Variants in TIE1 observed in about 807,000 individuals in gnomAD.
TIE1 encodes tyrosine-protein kinase receptor Tie-1.
Under a neutral mutation model 130.5 loss-of-function variants are expected in TIE1, and 89 were observed. The ratio of observed to expected loss-of-function variants is 0.68; its 90% CI spans 0.57 to 0.81. The LOEUF (loss-of-function observed/expected upper bound fraction) is 0.81, where lower values mean the gene tolerates loss of function less well. TIE1 is among the 40% of genes least tolerant of loss of function. The probability of loss-of-function intolerance (pLI) is 0.00; values close to 1 mark genes in which losing one functional copy is unlikely to be tolerated. For missense variants in TIE1, 1,392 were observed against 1,559.8 expected, an observed-to-expected ratio of 0.89 and a Z score of 1.81; for synonymous variants, 568 against 629.4, an observed-to-expected ratio of 0.90 and a Z score of 1.46.
chr1:43,317,175 G>A lies in TIE1; in HGVS notation c.2410-24G>A, dbSNP rs1198982. 0.65 allele frequency: 1,042,380 copies of A among 1,612,134 alleles called. 342,581 individuals carry two copies. Among genetic ancestry groups the A allele is most frequent in the African/African-American group, 0.86 (64,615 of 74,936 alleles). On this transcript the variant is annotated intron_variant, in intron 14 of 22. Transcript: ENST00000372476. This position sits in a 1 kb window ranked among gnomAD's most constrained non-coding sequence, Gnocchi z 5.1. ...CCTTTGACTCTTGCGTGGACCGTCTGCCCTCTTGTCTCATCCTGTGAAGGG... is the reference window on the plus strand; with the variant it reads ...CCTTTGACTCTTGCGTGGACCGTCTACCCTCTTGTCTCATCCTGTGAAGGG...
In TIE1 at chr1:43,307,575, AT is replaced by A; in HGVS notation, c.913+4del. 1 of 1,614,042 alleles carries A rather than the reference AT, an allele frequency of 6.2e-7. No individual in the cohort carries two copies. The highest frequency in any genetic ancestry group is 8.5e-7 in the Non-Finnish European group (1 of 1,179,988). On this transcript the variant is annotated splice_donor_region_variant and intron_variant, in intron 6 of 22. Transcript: ENST00000372476. This position sits in a 1 kb window ranked among gnomAD's most constrained non-coding sequence, Gnocchi z 5.4. Reference sequence around the variant, plus strand: ...GAGAGGAAGCCAGTGCCAAGAAGGTATGCCTAACCTACCCTCATGGTCCCTG... The same window carrying A: ...GAGAGGAAGCCAGTGCCAAGAAGGTAGCCTAACCTACCCTCATGGTCCCTG...
chr1:43,311,419 C>T (rs922360989), intron 9 of TIE1, among the ~76,000 whole-genome samples: 1 of 151,970 alleles, frequency 6.6e-6, no homozygotes, highest in African/African-American at 2.4e-5. Context: ...GAAGAGTGCA[C>T]CCCCAAACCA....
Position 43,319,130 on chromosome 1 carries a change from G to T in TIE1, c.2923-105G>T. 1.3e-6 allele frequency: 1 copy of T among 782,800 alleles called. No individual in the cohort carries two copies. The highest frequency in any genetic ancestry group is 1.4e-5 in the South Asian group (1 of 70,174). 48.5% of individuals were successfully genotyped at this position (782,800 alleles called of 1,614,324 possible). Reference sequence around the variant, plus strand: ...GCAGCCAGGAGGGTAGGAGTATGGGGTATTGAAGGTAACAAGGGTACCCAC... The same window carrying T: ...GCAGCCAGGAGGGTAGGAGTATGGGTTATTGAAGGTAACAAGGGTACCCAC... On this transcript the variant is annotated intron_variant, in intron 17 of 22. Coordinates refer to ENST00000372476, the MANE Select transcript of TIE1 (RefSeq NM_005424.5). The surrounding 1 kb of genome is among the most constrained non-coding windows in gnomAD (Gnocchi z 4.7).
rs1646724433 is a variant in TIE1 at position 43,305,948 on chromosome 1, C to T, written c.484+605C>T. Among the ~76,000 whole-genome samples the T allele has an allele frequency of 2.0e-5, 3 of 152,216 alleles. No individual in the cohort carries two copies. The South Asian group carries it at 6.2e-4, about 32-fold the overall frequency. ...CTTGGCTGACTCTTGCATACCTGGG[C>T]TCCTGAGGGAGGAAGACCCTTCCCT... On this transcript the variant is annotated intron_variant, in intron 3 of 22. Transcript: ENST00000372476.
In TIE1 at chr1:43,313,432, G is replaced by C; in HGVS notation, c.2218+7G>C. 1 of 1,613,600 alleles carries C rather than the reference G, an allele frequency of 6.2e-7. No homozygotes were observed. The highest frequency in any genetic ancestry group is 8.5e-7 in the Non-Finnish European group (1 of 1,179,800). On this transcript the variant is annotated splice_region_variant and intron_variant, in intron 13 of 22. Coordinates refer to ENST00000372476, the MANE Select transcript of TIE1 (RefSeq NM_005424.5). This position sits in a 1 kb window ranked among gnomAD's most constrained non-coding sequence, Gnocchi z 6.2. ...GAGTCCACCCTGGGCAACGGTGAGA[G>C]GGCAGGGCCCACAGGACCCCCCGGG...
At chr1:43,308,344 G>A (rs911848917) in intron 7 of TIE1, among the ~76,000 whole-genome samples, 1 of 151,900 alleles carries the variant, frequency 6.6e-6, no homozygotes, top group African/African-American at 2.4e-5. Flanking sequence ...CAGGACAGTG[G>A]AGTAGGGGAC....
Position 43,312,257 on chromosome 1 carries a change from G to A in TIE1, c.1631-48G>A. ...TCACTGGGGATCATTGTCCTGTCCA[G>A]CCCCAAGTACCTACTGGACAGTTCT... On this transcript the variant is annotated intron_variant, in intron 11 of 22. Coordinates refer to ENST00000372476, the MANE Select transcript of TIE1 (RefSeq NM_005424.5). The surrounding 1 kb of genome is among the most constrained non-coding windows in gnomAD (Gnocchi z 5.6). The A allele has an allele frequency of 1.3e-6, 2 of 1,515,012 alleles. No homozygotes were observed. Among genetic ancestry groups the A allele is most frequent in the East Asian group, 2.3e-5 (1 of 43,826 alleles). The allele number at this position is 1,515,012 out of a possible 1,614,324, so 93.8% of individuals were successfully genotyped here.
In TIE1 at chr1:43,309,460, A is replaced by G; in HGVS notation, c.1261A>G (p.Ser421Gly). The change falls in exon 9 of 23, where the codon AGT becomes GGT. Residue 421 changes from serine to glycine, a missense_variant. Physicochemically the swap from Ser to Gly is moderately conservative, Grantham distance 56 (BLOSUM62 0). Transcript: ENST00000372476. This position sits in a 1 kb window ranked among gnomAD's most constrained non-coding sequence, Gnocchi z 6.3. ...FEVPRLVLAD[S>G]GFWECRVSTS... ...GGTGCCCCGCTTGGTTCTTGCGGAC[A>G]GTGGGTTCTGGGAGTGCCGTGTGTC... The G allele has an allele frequency of 1.9e-6, 3 of 1,612,264 alleles. No individual in the cohort carries two copies. The highest frequency in any genetic ancestry group is 2.5e-6 in the Non-Finnish European group (3 of 1,179,210).
In TIE1 at chr1:43,317,907, T is replaced by A; in HGVS notation, c.2757T>A (p.Tyr919Ter). Residue 919 changes from tyrosine (Y) to a stop codon, truncating the protein, a stop_gained, in exon 17 of 23, where the codon TAT becomes TAA. Coordinates refer to ENST00000372476, the MANE Select transcript of TIE1 (RefSeq NM_005424.5). LOFTEE classifies it high-confidence loss of function. The surrounding 1 kb of genome is among the most constrained non-coding windows in gnomAD (Gnocchi z 5.1). ...GTTACTTGTATATCGCTATTGAATA[T>A]GCCCCCTACGGGAACCTGCTAGATT... ...NRGYLYIAIE[Y>*]APYGNLLDFL... is the part of the protein sequence containing the mutation. The A allele has an allele frequency of 6.2e-7, 1 of 1,614,166 alleles. No homozygotes were observed. Among genetic ancestry groups the A allele is most frequent in the South Asian group, 1.1e-5 (1 of 91,082 alleles).
At position 43,314,016 on chromosome 1, in the gene TIE1, A is replaced by G; in HGVS notation, c.2409+48A>G. The G allele has an allele frequency of 1.9e-6, 3 of 1,592,186 alleles. No individual in the cohort carries two copies. In the South Asian group the frequency reaches 3.3e-5, roughly 18 times the overall value. On this transcript the variant is annotated intron_variant, in intron 14 of 22. Transcript: ENST00000372476. ...GGGTGCATGCTTGCAGCCCGTGTTT[A>G]TGTTTCTACCTGTGTACACACAATA...
rs758194663 is a variant in TIE1 at position 43,306,980 on chromosome 1, C to A, written c.625C>A (p.Arg209=). 1.9e-6 allele frequency: 3 copies of A among 1,613,874 alleles called. No homozygotes were observed. The South Asian group carries it at 3.3e-5, about 18-fold the overall frequency. ...EASPLGSAFF[R]LIVRGCGAGR... Reference sequence around the variant, plus strand: ...CAGCCCCCTGGGCAGCGCCTTCTTTCGGCTCATCGTGCGGGGTCAGAGGCA... The same window carrying A: ...CAGCCCCCTGGGCAGCGCCTTCTTTAGGCTCATCGTGCGGGGTCAGAGGCA... The change falls in exon 4 of 23, where the codon CGG becomes AGG. Residue 209 remains arginine (R), a synonymous_variant. Coordinates refer to ENST00000372476, the MANE Select transcript of TIE1 (RefSeq NM_005424.5). The surrounding 1 kb of genome is among the most constrained non-coding windows in gnomAD (Gnocchi z 4.9).
rs562268633 is a variant in TIE1, at chr1:43,316,030, G to A, written c.2410-1169G>A. Among the ~76,000 whole-genome samples, 53 of 152,144 alleles carry A rather than the reference G, an allele frequency of 3.5e-4. No homozygotes were observed. Among genetic ancestry groups the A allele is most frequent in the South Asian group, 6.2e-4 (3 of 4,824 alleles). ...GCTGAGATCGTGCCATTGCCCTTCC[G>A]CCTGGGCAACAGAGCGAGACCTTGT... On this transcript the variant is annotated intron_variant, in intron 14 of 22. Transcript: ENST00000372476. This position sits in a 1 kb window ranked among gnomAD's most constrained non-coding sequence, Gnocchi z 4.4.
Position 43,313,443 on chromosome 1 carries a change from ACAGGACCCCC to A in TIE1, c.2218+20_2218+29del, listed in dbSNP as rs774598193. On this transcript the variant is annotated intron_variant, in intron 13 of 22. Coordinates refer to ENST00000372476, the MANE Select transcript of TIE1 (RefSeq NM_005424.5). This position sits in a 1 kb window ranked among gnomAD's most constrained non-coding sequence, Gnocchi z 6.2. ...GGGCAACGGTGAGAGGGCAGGGCCC[ACAGGACCCCC>A]CGGGCTCTGAGCGGGGAGAGCTCAG... 2.5e-6 allele frequency: 4 copies of A among 1,613,164 alleles called. No homozygotes were observed. The South Asian group carries it at 4.4e-5, about 18-fold the overall frequency.
chr1:43,311,807 C>A lies in TIE1; in HGVS notation c.1470C>A (p.Thr490=). The A allele has an allele frequency of 1.9e-6, 3 of 1,613,732 alleles. No homozygotes were observed. Among genetic ancestry groups the A allele is most frequent in the Non-Finnish European group, 1.7e-6 (2 of 1,179,784 alleles). The stretch of plus-strand genomic sequence containing the variant: ...TGCACTACCGGCCCCAGGACAGTAC[C>A]ATGGACTGGTCGACCATTGTGGGTG... ...VRLHYRPQDS[T]MDWSTIVVDP... The change falls in exon 10 of 23, where the codon ACC becomes ACA. Residue 490 remains threonine (T), a synonymous_variant. Transcript: ENST00000372476.
Position 43,307,620 on chromosome 1 carries a change from G to A in TIE1, c.913+48G>A. 1 of 1,612,858 alleles carries A rather than the reference G, an allele frequency of 6.2e-7. No individual in the cohort carries two copies. The highest frequency in any genetic ancestry group is 1.3e-5 in the African/African-American group (1 of 75,008). On this transcript the variant is annotated intron_variant, in intron 6 of 22. Coordinates refer to ENST00000372476, the MANE Select transcript of TIE1 (RefSeq NM_005424.5). This position sits in a 1 kb window ranked among gnomAD's most constrained non-coding sequence, Gnocchi z 5.4. ...GTCCCTGACCAAGACAGCTGGCCAGGAGCTTGACCCGGACCCTCCACTCTG... is the reference window on the plus strand; with the variant it reads ...GTCCCTGACCAAGACAGCTGGCCAGAAGCTTGACCCGGACCCTCCACTCTG...
intron 7 of TIE1, 103 bp downstream of exon 7, chr1:43,308,027 C>G: frequency 1.3e-6 from 2 of 1,503,868 alleles, no homozygotes; most frequent in Admixed American, 1.9e-5. Context: ...CTACGAGGGT[C>G]CAAGTCCTGC....
chr1:43,311,841 G>A lies in TIE1; in HGVS notation c.1492+12G>A. 1.2e-6 allele frequency: 2 copies of A among 1,611,810 alleles called. No individual in the cohort carries two copies. The highest frequency in any genetic ancestry group is 1.7e-6 in the Non-Finnish European group (2 of 1,178,544). On this transcript the variant is annotated intron_variant, in intron 10 of 22. Coordinates refer to ENST00000372476, the MANE Select transcript of TIE1 (RefSeq NM_005424.5). ...GTCGACCATTGTGGGTGAGTAGGGA[G>A]AGAGCTGGGGCAGGACAGAGGTGTT...
Position 43,313,246 on chromosome 1 carries a change from A to G in TIE1, c.2039A>G (p.Glu680Gly). The G allele has an allele frequency of 6.2e-7, 1 of 1,613,958 alleles. No homozygotes were observed. Among genetic ancestry groups the G allele is most frequent in the South Asian group, 1.1e-5 (1 of 91,082 alleles). ...LPGPISKYVV[E>G]VQVAGGAGDP... ...GGGCCAATATCCAAGTACGTTGTGG[A>G]GGTGCAGGTGGCTGGGGGTGCAGGA... The change falls in exon 13 of 23, where the codon GAG (glutamate) becomes GGG (glycine). Residue 680 changes from glutamate (E) to glycine (G), a missense_variant. Transcript: ENST00000372476. The surrounding 1 kb of genome is among the most constrained non-coding windows in gnomAD (Gnocchi z 6.2).
intron 1 of TIE1, chr1:43,302,493 G>A (rs1483201918): frequency 1.3e-5 from 2 of 152,320 alleles, no homozygotes; most frequent in African/African-American, 2.4e-5. Flanking sequence ...CTGAGGAGGA[G>A]TTCAGCTTAC....
Sources: allele counts gnomAD v4.1 joint callset (sites outside exome capture counted in the v4.1 genomes callset), GRCh38; gene constraint gnomAD v4.1.1; non-coding constraint Gnocchi (gnomAD v3.1); transcripts MANE v1.5; gene names NCBI Gene and HGNC (gene_info 2026-07-23, HGNC 2026-07-21).